The following TIAM1 variants were observed in gnomAD, a reference collection of about 807,000 sequenced individuals.
The protein encoded by TIAM1 is TIAM Rac1 associated GEF 1.
A neutral mutation model predicts 163.5 loss-of-function variants in TIAM1; 65 were observed. The ratio of observed to expected loss-of-function variants is 0.40; its 90% CI spans 0.33 to 0.49. TIAM1 has a LOEUF of 0.49. Among genes scored for constraint, TIAM1 ranks in the 20% least tolerant of loss-of-function variants. The pLI is 0.77. For synonymous variants in TIAM1, 833 were observed against 810.1 expected, an observed-to-expected ratio of 1.03 and a Z score of -0.48; for missense variants, 1,789 against 2,044.7, an observed-to-expected ratio of 0.87 and a Z score of 2.41.
At chr21:31,458,388 C>T (rs2045193030) in intron 2 of TIAM1, among the ~76,000 whole-genome samples, 1 of 151,750 alleles carries the variant, frequency 6.6e-6, no homozygotes. Flanking sequence ...CCATTGCACT[C>T]CAGCCTGGGC....
intron 6 of TIAM1, among the ~76,000 whole-genome samples, chr21:31,228,241 A>ATAATCTGATAAGGATTTTTCCTTT (rs1569068860): frequency 1.3e-4 from 6 of 46,708 alleles, no homozygotes; most frequent in African/African-American, 2.7e-4. Context: ...AAAAAAAAAA[A>ATAATCTGATAAGGATTTTTCCTTT]AAAAAAAAAA....
chr21:31,226,080 T>A, intron 6 of TIAM1, 130 bp from the exon 7 acceptor site: 2 of 703,922 alleles, frequency 2.8e-6, no homozygotes. Context: ...TGGATAAGAA[T>A]AACCTGACCT....
At chr21:31,291,894 A>G (rs1029055568) in intron 2 of TIAM1, among the ~76,000 whole-genome samples, 4 of 152,102 alleles carry the variant, frequency 2.6e-5, no homozygotes, top group African/African-American at 2.4e-5. Context: ...AGCCTTCTAC[A>G]TGGCTCCATC....
intron 1 of TIAM1, chr21:31,558,912 G>A (rs921081641): frequency 6.6e-6 from 1 of 151,976 alleles, no homozygotes; most frequent in Admixed American, 6.6e-5. Context: ...CGCACCCCAG[G>A]CCCGCGGTAC....
chr21:31,504,571 T>G (rs2046965854), intron 1 of TIAM1, among the ~76,000 whole-genome samples: 1 of 149,374 alleles, frequency 6.7e-6, no homozygotes, highest in Admixed American at 6.7e-5. Context: ...CATGAAAACT[T>G]CCAAAGCTGG....
At chr21:31,544,705 C>T (rs1182791303) in intron 1 of TIAM1, among the ~76,000 whole-genome samples, 1 of 151,344 alleles carries the variant, frequency 6.6e-6, no homozygotes, top group Non-Finnish European at 1.5e-5. Flanking sequence ...GAACTGTAGC[C>T]CTCAAAAAAA....
chr21:31,416,307 G>A (rs2043369734), intron 2 of TIAM1, among the ~76,000 whole-genome samples: 1 of 152,152 alleles, frequency 6.6e-6, no homozygotes, highest in Non-Finnish European at 1.5e-5. Context: ...CAAATACTGT[G>A]CATTCCACAT....
intron 3 of TIAM1, among the ~76,000 whole-genome samples, chr21:31,269,710 C>T (rs1332520448): frequency 5.7e-4 from 80 of 140,362 alleles, no homozygotes; most frequent in African/African-American, 1.3e-3. Flanking sequence ...CTTGCTCTGT[C>T]GCCCCGGCTG....
chr21:31,442,070 A>AATAAATATAT (rs370046459), intron 2 of TIAM1, among the ~76,000 whole-genome samples: 7 of 53,226 alleles, frequency 1.3e-4, no homozygotes, highest in Non-Finnish European at 2.3e-4. Flanking sequence ...CAAATAAATA[A>AATAAATATAT]ATATATATAT....
At chr21:31,511,861 C>A (rs76855091) in intron 1 of TIAM1, among the ~76,000 whole-genome samples, 1 of 152,106 alleles carries the variant, frequency 6.6e-6, no homozygotes, top group Non-Finnish European at 1.5e-5. Context: ...ATTATAACAA[C>A]AAAATTTAAT....
intron 2 of TIAM1, among the ~76,000 whole-genome samples, chr21:31,457,981 T>G (rs368574937): frequency 2.0e-5 from 3 of 152,282 alleles, no homozygotes; most frequent in South Asian, 4.1e-4. Context: ...TGAGAGATCC[T>G]GAGATAGGCA....
chr21:31,213,359 G>A (rs1022441357), intron 10 of TIAM1, 39 bp downstream of exon 10: 18 of 1,566,184 alleles, frequency 1.1e-5, no homozygotes, highest in Non-Finnish European at 1.4e-5. Context: ...TGATGCACTT[G>A]TGGTACTTTT....
At chr21:31,401,601 T>C (rs748268000) in intron 2 of TIAM1, among the ~76,000 whole-genome samples, 20 of 152,138 alleles carry the variant, frequency 1.3e-4, no homozygotes, top group Non-Finnish European at 2.5e-4. Context: ...AGTGAATACA[T>C]GACTCAGTAT....
Position 31,146,982 on chromosome 21 carries a change from C to G in TIAM1, c.3388G>C (p.Gly1130Arg). ...QFKKVLFSLGGSFLYYADRFK... is the reference protein window; with the variant it reads ...QFKKVLFSLGRSFLYYADRFK... ...CGGTCAGCATAATACAGGAATGATC[C>G]CCCCAGAGAGAACAGCACTTTCTGG... The change falls in exon 20 of 28, where the codon GGA (glycine) becomes CGA (arginine). Residue 1130 changes from glycine (G) to arginine (R), a missense_variant. Physicochemically the swap from Gly to Arg is moderately radical, Grantham distance 125. Coordinates refer to ENST00000541036, the MANE Select transcript of TIAM1 (RefSeq NM_001353694.2). The G allele has an allele frequency of 6.2e-7, 1 of 1,613,846 alleles. No individual in the cohort carries two copies. The highest frequency in any genetic ancestry group is 8.5e-7 in the Non-Finnish European group (1 of 1,179,860).
chr21:31,499,193 G>A (rs1238005247), intron 1 of TIAM1, among the ~76,000 whole-genome samples: 2 of 152,116 alleles, frequency 1.3e-5, no homozygotes, highest in East Asian at 3.9e-4. Flanking sequence ...AATCACAAGG[G>A]ATGGGGAAGG....
At position 31,153,147 on chromosome 21, in the gene TIAM1, A is replaced by G; in HGVS notation, c.3172-13T>C. ...GACAGTTTAAATCCTAAGAATTGAA[A>G]AGAGAACTCATTAGCTTATGTGTTT... On this transcript the variant is annotated splice_polypyrimidine_tract_variant and intron_variant, in intron 17 of 27. Transcript: ENST00000541036. 1.3e-6 allele frequency: 2 copies of G among 1,598,802 alleles called. No homozygotes were observed. Among genetic ancestry groups the G allele is most frequent in the Non-Finnish European group, 1.7e-6 (2 of 1,171,950 alleles).
chr21:31,188,536 A>G (rs2085403292), intron 13 of TIAM1, among the ~76,000 whole-genome samples: 1 of 152,162 alleles, frequency 6.6e-6, no homozygotes, highest in Non-Finnish European at 1.5e-5. Flanking sequence ...TTCCTTTTTG[A>G]AATGCCATCA....
intron 2 of TIAM1, among the ~76,000 whole-genome samples, chr21:31,281,083 C>T (rs1490986140): frequency 1.2e-5 from 1 of 80,652 alleles, no homozygotes; most frequent in South Asian, 5.4e-4. Context: ...GAGACCCTAA[C>T]TCAAAAAAAA....
intron 14 of TIAM1, among the ~76,000 whole-genome samples, chr21:31,183,208 T>C (rs185041583): frequency 2.8e-4 from 42 of 152,340 alleles, no homozygotes; most frequent in African/African-American, 9.6e-4. Context: ...TTGTCCTTTT[T>C]TGTTTTGTTT....
Sources: allele counts gnomAD v4.1 joint callset (sites outside exome capture counted in the v4.1 genomes callset), GRCh38; gene constraint gnomAD v4.1.1; transcripts MANE v1.5; gene names NCBI Gene and HGNC (gene_info 2026-07-23, HGNC 2026-07-21).